The following SOX6 variants were observed in gnomAD, a reference collection of about 807,000 sequenced individuals.
The protein encoded by SOX6 is transcription factor SOX-6.
SOX6 carries 11 observed loss-of-function variants against 97.8 expected under a neutral mutation model. The ratio of observed to expected loss-of-function variants is 0.11; its 90% CI spans 0.07 to 0.19. The LOEUF (loss-of-function observed/expected upper bound fraction) is 0.19. SOX6 is among the 10% of genes least tolerant of loss of function. The pLI is 1.00. For missense variants in SOX6, 810 were observed against 1,039.5 expected, an observed-to-expected ratio of 0.78 and a Z score of 3.04; for synonymous variants, 360 against 371.4, an observed-to-expected ratio of 0.97 and a Z score of 0.35.
chr11:16,548,070 G>C (rs575323473), intron 4 of SOX6, among the ~76,000 whole-genome samples: 1 of 152,198 alleles, frequency 6.6e-6, no homozygotes, highest in South Asian at 2.1e-4. Context: ...AAATGAGAGT[G>C]ACAGCAGACT....
At chr11:16,139,522 A>T (rs1346929710) in intron 6 of SOX6, among the ~76,000 whole-genome samples, 1 of 152,178 alleles carries the variant, frequency 6.6e-6, no homozygotes, top group African/African-American at 2.4e-5. Context: ...ATTGCACCAT[A>T]TATGGACACA....
intron 4 of SOX6, among the ~76,000 whole-genome samples, chr11:16,598,037 G>T (rs1487002402): frequency 6.6e-6 from 1 of 151,994 alleles, no homozygotes; most frequent in Non-Finnish European, 1.5e-5. Context: ...TAGTAAAGCT[G>T]GAATGGGAAG....
At chr11:16,118,600 C>A (rs1461725236) in intron 6 of SOX6, among the ~76,000 whole-genome samples, 4 of 152,116 alleles carry the variant, frequency 2.6e-5, no homozygotes, top group Non-Finnish European at 4.4e-5. Flanking sequence ...TATTGTTTGT[C>A]CCCGAAGACT....
intron 3 of SOX6, among the ~76,000 whole-genome samples, chr11:16,691,401 C>A (rs954902343): frequency 6.6e-6 from 1 of 152,110 alleles, no homozygotes; most frequent in Non-Finnish European, 1.5e-5. Flanking sequence ...AAGAGGCAAC[C>A]AAATCAAAGC....
chr11:16,672,594 A>T (rs1027426779), intron 3 of SOX6, among the ~76,000 whole-genome samples: 1 of 152,100 alleles, frequency 6.6e-6, no homozygotes, highest in African/African-American at 2.4e-5. Context: ...GTCATATCTC[A>T]TGAGACTAAG....
chr11:15,999,999 T>C (rs1241429003), intron 13 of SOX6, among the ~76,000 whole-genome samples: 6 of 152,172 alleles, frequency 3.9e-5, no homozygotes, highest in South Asian at 4.1e-4. Flanking sequence ...ACAGATTTGA[T>C]TTTTCACCAT....
chr11:16,718,549 T>A (rs1386385083), intron 2 of SOX6, among the ~76,000 whole-genome samples: 1 of 152,164 alleles, frequency 6.6e-6, no homozygotes, highest in African/African-American at 2.4e-5. Context: ...TGTGTTTAAA[T>A]TTTTTTAAAT....
chr11:16,645,657 A>G (rs1050226424), intron 3 of SOX6, among the ~76,000 whole-genome samples: 7 of 152,250 alleles, frequency 4.6e-5, no homozygotes, highest in Non-Finnish European at 1.0e-4. Flanking sequence ...GCCATATGGC[A>G]ACAAAGGCAG....
At chr11:16,439,528 T>C (rs1445477750) in intron 1 of SOX6, among the ~76,000 whole-genome samples, 1 of 152,190 alleles carries the variant, frequency 6.6e-6, no homozygotes, top group Non-Finnish European at 1.5e-5. Context: ...GTAATTCCTC[T>C]AAAGAATACT....
At chr11:16,432,949 G>C (rs536017918) in intron 1 of SOX6, among the ~76,000 whole-genome samples, 122 of 152,116 alleles carry the variant, frequency 8.0e-4, no homozygotes, top group African/African-American at 2.9e-3. Flanking sequence ...TGGGCATTCT[G>C]TGGGGGCTTG....
At chr11:16,522,692 G>C (rs1285053345) in intron 4 of SOX6, among the ~76,000 whole-genome samples, 1 of 152,174 alleles carries the variant, frequency 6.6e-6, no homozygotes, top group Non-Finnish European at 1.5e-5. Context: ...TGGCAAGTTG[G>C]ATAAAGAGTC....
intron 3 of SOX6, among the ~76,000 whole-genome samples, chr11:16,714,146 CTATT>C (rs893669473): frequency 3.9e-5 from 6 of 152,098 alleles, no homozygotes; most frequent in South Asian, 2.1e-4. Flanking sequence ...CATTGCAACA[CTATT>C]TATTACTGCA....
At chr11:16,632,590 G>A (rs1056132114) in intron 3 of SOX6, among the ~76,000 whole-genome samples, 1 of 152,212 alleles carries the variant, frequency 6.6e-6, no homozygotes, top group African/African-American at 2.4e-5. Context: ...GGGTCAGACT[G>A]GGCAGGTCTC....
chr11:16,436,148 C>T (rs561378346), intron 1 of SOX6, among the ~76,000 whole-genome samples: 3 of 152,260 alleles, frequency 2.0e-5, no homozygotes, highest in Non-Finnish European at 2.9e-5. Flanking sequence ...CCATGGCACA[C>T]GTTTACCTAT....
intron 4 of SOX6, among the ~76,000 whole-genome samples, chr11:16,581,975 AAAG>A (rs1242781287): frequency 2.3e-4 from 35 of 151,426 alleles, no homozygotes; most frequent in East Asian, 3.9e-4. Context: ...AAAAAAAAAA[AAAG>A]AAGAAGAAGA....
chr11:16,666,084 A>G (rs1225949017), intron 3 of SOX6, among the ~76,000 whole-genome samples: 1 of 152,188 alleles, frequency 6.6e-6, no homozygotes, highest in Non-Finnish European at 1.5e-5. Flanking sequence ...CCCACAATGG[A>G]CAGATACAAA....
At chr11:16,156,523 C>T (rs919400684) in intron 6 of SOX6, among the ~76,000 whole-genome samples, 2 of 151,958 alleles carry the variant, frequency 1.3e-5, no homozygotes, top group Non-Finnish European at 2.9e-5. Flanking sequence ...GTAGGTATAT[C>T]TACCTGAATA....
At chr11:16,469,206 GTAT>G (rs1860098392) in intron 1 of SOX6, among the ~76,000 whole-genome samples, 1 of 152,086 alleles carries the variant, frequency 6.6e-6, no homozygotes, top group Non-Finnish European at 1.5e-5. Flanking sequence ...CAAGTCCAGA[GTAT>G]TAACAAACTT....
intron 3 of SOX6, among the ~76,000 whole-genome samples, chr11:16,289,987 G>C (rs1048902314): frequency 1.3e-5 from 2 of 151,938 alleles, no homozygotes; most frequent in African/African-American, 4.8e-5. Flanking sequence ...CTTTTAACAA[G>C]CATAATATTA....
Sources: gnomAD v4.1 joint callset for allele counts (sites outside exome capture counted in the v4.1 genomes callset) on GRCh38, gnomAD v4.1.1 for gene constraint, MANE v1.5 for transcripts, NCBI Gene and HGNC (gene_info 2026-07-23, HGNC 2026-07-21) for gene names.